PHF14: variants seen among roughly 807,000 people sequenced by gnomAD.
PHF14 encodes the protein PHD finger protein 14.
A neutral mutation model predicts 117.9 loss-of-function variants in PHF14; 55 were observed. The ratio of observed to expected loss-of-function variants is 0.47; its 90% CI spans 0.38 to 0.58. The LOEUF (loss-of-function observed/expected upper bound fraction) is 0.58, where lower values mean the gene tolerates loss of function less well. Ranked by LOEUF, PHF14 falls within the 20% of genes least tolerant of loss-of-function variation. The pLI is 0.00. For synonymous variants in PHF14, 409 were observed against 368.6 expected (o/e 1.11, Z -1.26); for missense variants, 978 against 1,122.2 (o/e 0.87, Z 1.84).
rs1782419367 is a variant in PHF14 at position 10,990,693 on chromosome 7, T to G, written c.901-10T>G. On this transcript the variant is annotated splice_polypyrimidine_tract_variant and intron_variant, in intron 3 of 17. Transcript: ENST00000634607. ...TGATTTTCTGATATATGTTAATATT[T>G]TAATATTAGGACTCGCTGATTCTTG... 1 of 1,472,692 alleles carries G rather than the reference T, an allele frequency of 6.8e-7. No individual in the cohort carries two copies. Among genetic ancestry groups the G allele is most frequent in the South Asian group, 1.3e-5 (1 of 76,912 alleles). The allele number at this position is 1,472,692 out of a possible 1,614,324, so 91.2% of individuals were successfully genotyped here. A position where few individuals can be genotyped will look rare whatever the true frequency, so the allele number is the denominator to read the frequency against.
Position 10,990,842 on chromosome 7 carries a change from A to C in PHF14, c.1040A>C (p.His347Pro). Reference sequence around the variant, plus strand: ...TGTGACAATTGTGGCATTACAGTCCATGAAGGTAATGTTGCTTTCTTTTCT... The same window carrying C: ...TGTGACAATTGTGGCATTACAGTCCCTGAAGGTAATGTTGCTTTCTTTTCT... The part of the protein sequence containing the change: ...IQCDNCGITV[H>P]EGCYGVDGES... The change falls in exon 4 of 18, where the codon CAT becomes CCT. Residue 347 changes from histidine (H) to proline (P), a missense_variant. Physicochemically the swap from His to Pro is moderately conservative, Grantham distance 77. Around this residue, in one of 7 missense-constraint regions of PHF14, gnomAD observed 86 missense variants for 137.8 expected, o/e 0.62. Coordinates refer to ENST00000634607, the MANE Select transcript of PHF14 (RefSeq NM_001007157.2). 1 of 1,579,808 alleles carries C rather than the reference A, an allele frequency of 6.3e-7. No individual in the cohort carries two copies. Among genetic ancestry groups the C allele is most frequent in the Non-Finnish European group, 8.6e-7 (1 of 1,161,050 alleles).
At chr7:11,096,319 C>T (rs1284224087) in intron 16 of PHF14, among the ~76,000 whole-genome samples, 1 of 152,028 alleles carries the variant, frequency 6.6e-6, no homozygotes, top group Non-Finnish European at 1.5e-5. Flanking sequence ...TATTCTTATC[C>T]TAAAGTTTTT....
intron 3 of PHF14, 50 bp from the exon 4 acceptor site, chr7:10,990,653 T>A (rs1782417510): frequency 8.5e-7 from 1 of 1,182,004 alleles, no homozygotes; most frequent in African/African-American, 1.6e-5. Context: ...TTAAGTTTTT[T>A]TTTTACTTTA....
At chr7:11,050,054 A>T (rs564718556) in intron 13 of PHF14, among the ~76,000 whole-genome samples, 1 of 152,318 alleles carries the variant, frequency 6.6e-6, no homozygotes, top group East Asian at 1.9e-4. Flanking sequence ...TTAATACGTT[A>T]AGGATTAATT....
intron 2 of PHF14, among the ~76,000 whole-genome samples, chr7:10,979,210 T>C (rs908175927): frequency 1.3e-5 from 2 of 152,158 alleles, no homozygotes; most frequent in African/African-American, 4.8e-5. Flanking sequence ...TTATTTGATA[T>C]TGTAAAGGGA....
intron 17 of PHF14, among the ~76,000 whole-genome samples, chr7:11,163,803 GA>G (rs1378837433): frequency 2.6e-5 from 4 of 152,126 alleles, no homozygotes; most frequent in Non-Finnish European, 5.9e-5. Context: ...ATGCTGTTGA[GA>G]GTTACATATC....
chr7:10,988,017 A>C (rs1317085990), intron 3 of PHF14, among the ~76,000 whole-genome samples: 210 of 17,364 alleles, frequency 0.012, no homozygotes, highest in Middle Eastern at 0.067. Flanking sequence ...ACTCCTTCTC[A>C]AAAAAAAAAA....
At chr7:11,075,280 A>G (rs1259568785) in intron 16 of PHF14, among the ~76,000 whole-genome samples, 2 of 151,668 alleles carry the variant, frequency 1.3e-5, no homozygotes, top group Non-Finnish European at 2.9e-5. Context: ...CTTGGTACCA[A>G]TTTTCTCTGT....
chr7:10,976,674 T>C (rs1228170271), intron 2 of PHF14, among the ~76,000 whole-genome samples: 1 of 151,996 alleles, frequency 6.6e-6, no homozygotes, highest in Non-Finnish European at 1.5e-5. Flanking sequence ...TTTTATGATA[T>C]CGAGCTAAGT....
intron 16 of PHF14, among the ~76,000 whole-genome samples, chr7:11,101,252 G>A (rs1200694636): frequency 2.0e-5 from 3 of 151,866 alleles, no homozygotes; most frequent in Admixed American, 2.0e-4. Context: ...ATATTCGGAT[G>A]CATTTCAAAG....
chr7:11,162,282 G>T (rs1172884749), intron 17 of PHF14, among the ~76,000 whole-genome samples: 1 of 151,646 alleles, frequency 6.6e-6, no homozygotes, highest in African/African-American at 2.4e-5. Context: ...TGGAGACGGG[G>T]TTTCTCCTTG....
At chr7:11,115,945 C>T (rs907994922) in intron 17 of PHF14, among the ~76,000 whole-genome samples, 15 of 151,936 alleles carry the variant, frequency 9.9e-5, no homozygotes, top group Admixed American at 2.0e-4. Flanking sequence ...GCATTCTACA[C>T]AAAATTTTGA....
rs1266656291 is a variant in PHF14, at chr7:11,091,140, A to C, written c.2655-20210A>C. On this transcript the variant is annotated intron_variant, in intron 16 of 17. Coordinates refer to ENST00000634607, the MANE Select transcript of PHF14 (RefSeq NM_001007157.2). ...TGAACACATGGGCAGCTGGAGGAAG[A>C]CCAGTTTGAGGGCTGTGAACCTAGA... 3.3e-5 allele frequency among the ~76,000 whole-genome samples: 5 copies of C among 152,304 alleles called. No homozygotes were observed. The South Asian group carries it at 6.2e-4, about 19-fold the overall frequency.
chr7:11,107,328 A>G, intron 16 of PHF14: 3 of 938,278 alleles, frequency 3.2e-6, no homozygotes, highest in South Asian at 9.8e-5. Context: ...TATACTAAGT[A>G]AGTATTTTAC....
At chr7:11,022,516 A>G (rs1243365354) in intron 5 of PHF14, among the ~76,000 whole-genome samples, 1 of 152,206 alleles carries the variant, frequency 6.6e-6, no homozygotes, top group Non-Finnish European at 1.5e-5. Context: ...CTTTCCTTGC[A>G]TATGAAAATG....
intron 16 of PHF14, chr7:11,105,038 G>A (rs1787213898): frequency 2.2e-6 from 2 of 896,104 alleles, no homozygotes; most frequent in Non-Finnish European, 2.7e-6. Context: ...TTAGTTAAAT[G>A]TTTGTTTTAC....
intron 16 of PHF14, chr7:11,103,141 G>A: frequency 2.0e-6 from 2 of 978,640 alleles, no homozygotes; most frequent in Non-Finnish European, 2.4e-6. Context: ...AAAGACTTGT[G>A]AAGCATATGA....
At chr7:11,004,130 C>A (rs975118783) in intron 4 of PHF14, among the ~76,000 whole-genome samples, 1 of 151,598 alleles carries the variant, frequency 6.6e-6, no homozygotes, top group Non-Finnish European at 1.5e-5. Flanking sequence ...CGCCTGTAGT[C>A]CCAACTACTT....
intron 17 of PHF14, among the ~76,000 whole-genome samples, chr7:11,139,747 AAGAC>A (rs1562483212): frequency 2.0e-5 from 3 of 152,216 alleles, no homozygotes; most frequent in African/African-American, 4.8e-5. Flanking sequence ...TAGAAAATAT[AAGAC>A]AGATAACTTT....
Sources: gnomAD v4.1 joint callset for allele counts (sites outside exome capture counted in the v4.1 genomes callset) on GRCh38, gnomAD v4.1.1 for gene constraint, gnomAD v4.1.1 regional missense constraint, MANE v1.5 for transcripts, NCBI Gene and HGNC (gene_info 2026-07-23, HGNC 2026-07-21) for gene names.